The following ANKS3 variants were observed in gnomAD, a reference collection of about 807,000 sequenced individuals.
ANKS3 encodes ankyrin repeat and SAM domain-containing protein 3.
Under a neutral mutation model 80.7 loss-of-function variants are expected in ANKS3, and 62 were observed. That is an observed-to-expected ratio of 0.77 (90% CI 0.63 to 0.95). The LOEUF (loss-of-function observed/expected upper bound fraction) is 0.95, where lower values mean the gene tolerates loss of function less well. ANKS3 is among the 40% of genes least tolerant of loss of function. The pLI, the probability that ANKS3 is intolerant of heterozygous loss-of-function variation, is 0.00. For missense variants in ANKS3, 1,150 were observed against 883.6 expected (o/e 1.30, Z -3.82); for synonymous variants, 489 against 355.3 (o/e 1.38, Z -4.23).
intron 2 of ANKS3, among the ~76,000 whole-genome samples, chr16:4,730,863 C>CAA (rs770842141): frequency 3.5e-5 from 5 of 143,956 alleles, no homozygotes; most frequent in African/African-American, 1.0e-4. Flanking sequence ...AAAAACAAAA[C>CAA]AAAAAAAAAA....
rs2081267463 is a variant in ANKS3 at position 4,724,692 on chromosome 16, T to C, written c.573+58A>G. The C allele has an allele frequency of 2.7e-6, 4 of 1,483,654 alleles. No homozygotes were observed. In the Admixed American group the frequency reaches 5.2e-5, roughly 19 times the overall value. The allele number at this position is 1,483,654 out of a possible 1,614,324, so 91.9% of individuals were successfully genotyped here. A position where few individuals can be genotyped will look rare whatever the true frequency, so the allele number is the denominator to read the frequency against. ...AATTCTGTAATAGCTTATACTTCAG[T>C]AATATGATTCCTCATTTGCCGTGAC... On this transcript the variant is annotated intron_variant, in intron 6 of 17. Transcript: ENST00000304283.
intron 3 of ANKS3, among the ~76,000 whole-genome samples, chr16:4,728,753 C>G (rs1055179140): frequency 6.6e-6 from 1 of 152,200 alleles, no homozygotes; most frequent in African/African-American, 2.4e-5. Context: ...TGCATCTTAA[C>G]AGGACACCCA....
chr16:4,700,391 C>G (rs1420934245), intron 11 of ANKS3: 1 of 182,122 alleles, frequency 5.5e-6, no homozygotes, highest in Non-Finnish European at 1.2e-5. Flanking sequence ...CACTCCAGCC[C>G]AGATGACAGT....
rs901135212 is a variant in ANKS3, at chr16:4,698,294, TGGG to T, written c.1724+130_1724+132del. ...TGCAGGAAGGAAGGGCCTGATGAAATGGGGGTGGGGTGGCTCCAGACCCTGAAA... is the reference window on the plus strand; with the variant it reads ...TGCAGGAAGGAAGGGCCTGATGAAATGGTGGGGTGGCTCCAGACCCTGAAA... On this transcript the variant is annotated intron_variant, in intron 14 of 17. Transcript: ENST00000304283. The T allele has an allele frequency of 1.2e-5, 15 of 1,293,664 alleles. No individual in the cohort carries two copies. In the Admixed American group the frequency reaches 2.3e-4, roughly 20 times the overall value. 80.1% of individuals were successfully genotyped at this position (1,293,664 alleles called of 1,614,324 possible).
At chr16:4,714,534 G>A (rs915148844) in intron 6 of ANKS3, among the ~76,000 whole-genome samples, 4 of 152,356 alleles carry the variant, frequency 2.6e-5, no homozygotes, top group African/African-American at 7.2e-5. Flanking sequence ...TTCAAAGAAA[G>A]CAGCCTTTTA....
intron 6 of ANKS3, among the ~76,000 whole-genome samples, chr16:4,718,076 AT>A (rs780141955): frequency 3.6e-3 from 478 of 133,680 alleles, no homozygotes; most frequent in Admixed American, 4.5e-3. Context: ...TGCCTGGCCA[AT>A]TTTTTTTTTT....
chr16:4,697,422 G>T lies in ANKS3; in HGVS notation c.1811-6C>A. Reference sequence around the variant, plus strand: ...CGCTTGCCAGCCCTTGGAGTCTGTGGTGCAGGTGCAGGGACCGAGTTAGCT... The same window carrying T: ...CGCTTGCCAGCCCTTGGAGTCTGTGTTGCAGGTGCAGGGACCGAGTTAGCT... On this transcript the variant is annotated splice_region_variant and splice_polypyrimidine_tract_variant and intron_variant, in intron 15 of 17. Coordinates refer to ENST00000304283, the MANE Select transcript of ANKS3 (RefSeq NM_133450.4). 1 of 1,594,280 alleles carries T rather than the reference G, an allele frequency of 6.3e-7. No individual in the cohort carries two copies. The highest frequency in any genetic ancestry group is 8.5e-7 in the Non-Finnish European group (1 of 1,171,334).
chr16:4,729,924 C>A, intron 3 of ANKS3, 56 bp downstream of exon 3: 1 of 1,389,200 alleles, frequency 7.2e-7, no homozygotes, highest in Non-Finnish European at 9.5e-7. Context: ...CACGTGGGAT[C>A]GAAGCCATCA....
At chr16:4,730,837 G>T (rs1356792078) in intron 2 of ANKS3, among the ~76,000 whole-genome samples, 1 of 151,724 alleles carries the variant, frequency 6.6e-6, no homozygotes, top group Non-Finnish European at 1.5e-5. Flanking sequence ...GGGAAACAGA[G>T]CAAGACTTTG....
intron 1 of ANKS3, among the ~76,000 whole-genome samples, chr16:4,731,790 G>A (rs2081629643): frequency 6.6e-6 from 1 of 152,130 alleles, no homozygotes; most frequent in Non-Finnish European, 1.5e-5. Flanking sequence ...AATATAACAG[G>A]CCGGTGAACT....
chr16:4,699,273 G>A (rs2079769327), intron 11 of ANKS3, 97 bp from the exon 12 acceptor site: 3 of 1,490,808 alleles, frequency 2.0e-6, no homozygotes, highest in Admixed American at 4.0e-5. Flanking sequence ...CCCAGGCTCA[G>A]AACCAAGACA....
intron 6 of ANKS3, among the ~76,000 whole-genome samples, chr16:4,721,368 G>A (rs566887421): frequency 4.0e-5 from 6 of 151,190 alleles, no homozygotes; most frequent in Admixed American, 1.3e-4. Context: ...CAGCACTTTG[G>A]GAGACCGAGG....
chr16:4,701,516 C>T lies in ANKS3; in HGVS notation c.1037G>A (p.Gly346Glu), dbSNP rs1408058769. The change falls in exon 10 of 18, where the codon GGG becomes GAG. Residue 346 changes from glycine (G) to glutamate (E), a missense_variant. Coordinates refer to ENST00000304283, the MANE Select transcript of ANKS3 (RefSeq NM_133450.4). ...REEHAFCANL[G>E]PVQSSSSSEG... ...GCTGCTGCTGCTGCTCTGGACGGGC[C>T]CCAGGTTGGCACAGAAAGCATGTTC... 5.0e-6 allele frequency: 8 copies of T among 1,611,588 alleles called. No individual in the cohort carries two copies. The highest frequency in any genetic ancestry group is 2.2e-5 in the South Asian group (2 of 90,996).
chr16:4,698,266 G>A (rs1046642260), intron 14 of ANKS3, 161 bp downstream of exon 14: 113 of 1,191,398 alleles, frequency 9.5e-5, no homozygotes, highest in Middle Eastern at 8.5e-4. Context: ...GCCTGGGTCT[G>A]CCTGCAGGAA....
At position 4,704,107 on chromosome 16, in the gene ANKS3, G is replaced by A. The variant is rs1245606878; in HGVS notation, c.868+988C>T. Among the ~76,000 whole-genome samples, 16 of 152,286 alleles carry A rather than the reference G, an allele frequency of 1.1e-4. No individual in the cohort carries two copies. The East Asian group carries it at 2.9e-3, about 28-fold the overall frequency. ...GGGCGGGCCCTCATGCTGTGGTGGG[G>A]CTGGCCAGCAGCTCGAGAGAGGCCT... On this transcript the variant is annotated intron_variant, in intron 8 of 17. Coordinates refer to ENST00000304283, the MANE Select transcript of ANKS3 (RefSeq NM_133450.4).
At chr16:4,715,995 C>T (rs537022118) in intron 6 of ANKS3, among the ~76,000 whole-genome samples, 4 of 152,086 alleles carry the variant, frequency 2.6e-5, no homozygotes, top group Middle Eastern at 3.4e-3. Flanking sequence ...GAGCGCCTCC[C>T]GCCCATTTAC....
intron 13 of ANKS3, 77 bp downstream of exon 13, chr16:4,698,723 C>A: frequency 6.5e-7 from 1 of 1,549,916 alleles, no homozygotes; most frequent in South Asian, 1.2e-5. Context: ...CTCCACACAG[C>A]ACCCACCTTT....
chr16:4,701,416 G>T lies in ANKS3; in HGVS notation c.1119+18C>A. On this transcript the variant is annotated intron_variant, in intron 10 of 17. Transcript: ENST00000304283. ...CCAGGGACCGGCTATGGGAGACCAA[G>T]AAAGAAAGAATCCGTACCTCGTTGC... The T allele has an allele frequency of 6.3e-7, 1 of 1,579,226 alleles. No individual in the cohort carries two copies. The highest frequency in any genetic ancestry group is 1.1e-5 in the South Asian group (1 of 88,302).
chr16:4,698,973 AG>A (rs1331955973), intron 12 of ANKS3, 32 bp from the exon 13 acceptor site: 3 of 1,612,536 alleles, frequency 1.9e-6, no homozygotes, highest in Non-Finnish European at 1.7e-6. Flanking sequence ...GATATGCCTC[AG>A]CGTCCCAAGA....
Sources: gnomAD v4.1 joint callset for allele counts (sites outside exome capture counted in the v4.1 genomes callset) on GRCh38, gnomAD v4.1.1 for gene constraint, MANE v1.5 for transcripts, NCBI Gene and HGNC (gene_info 2026-07-23, HGNC 2026-07-21) for gene names.